The following MCF2L variants were observed in gnomAD, a reference collection of about 807,000 sequenced individuals.
MCF2L encodes guanine nucleotide exchange factor DBS.
MCF2L carries 97 observed loss-of-function variants against 153.4 expected under a neutral mutation model. The ratio of observed to expected loss-of-function variants is 0.63; its 90% CI spans 0.54 to 0.75. MCF2L has a LOEUF of 0.75. MCF2L is among the 30% of genes least tolerant of loss of function. MCF2L has a pLI of 0.00. For missense variants in MCF2L, 1,347 were observed against 1,495.2 expected, an observed-to-expected ratio of 0.90 and a Z score of 1.64; for synonymous variants, 659 against 632.2, an observed-to-expected ratio of 1.04 and a Z score of -0.64.
chr13:112,994,995 C>T (rs548706783), intron 1 of MCF2L, among the ~76,000 whole-genome samples: 11 of 152,370 alleles, frequency 7.2e-5, no homozygotes, highest in Admixed American at 3.9e-4. Context: ...GGCTCCAGGA[C>T]GGTCCCCAGG....
At chr13:112,898,603 T>G (rs548025807) in intron 1 of MCF2L, among the ~76,000 whole-genome samples, 1 of 152,090 alleles carries the variant, frequency 6.6e-6, no homozygotes, top group Admixed American at 6.5e-5. Flanking sequence ...CCCTCCCCGG[T>G]GGTACTCCCA....
intron 2 of MCF2L, among the ~76,000 whole-genome samples, chr13:112,913,207 C>T (rs1401876480): frequency 7.1e-6 from 1 of 140,482 alleles, no homozygotes; most frequent in Non-Finnish European, 1.5e-5. Flanking sequence ...TGGTGTATCT[C>T]TGTATGTATG....
intron 1 of MCF2L, among the ~76,000 whole-genome samples, chr13:112,994,569 G>A (rs565849962): frequency 2.6e-5 from 4 of 152,356 alleles, no homozygotes; most frequent in Admixed American, 1.3e-4. Context: ...GAGCTGTCTC[G>A]TTTCTTCCCG....
At chr13:112,906,525 T>C (rs909040694) in intron 2 of MCF2L, among the ~76,000 whole-genome samples, 3 of 152,160 alleles carry the variant, frequency 2.0e-5, no homozygotes, top group African/African-American at 7.2e-5. Flanking sequence ...ATGGGGTGCG[T>C]GTGGAGCTTG....
chr13:113,045,018 T>A lies in MCF2L; in HGVS notation c.279-253T>A. On this transcript the variant is annotated intron_variant, in intron 3 of 29. Transcript: ENST00000535094. This position sits in a 1 kb window ranked among gnomAD's most constrained non-coding sequence, Gnocchi z 4.2. Reference sequence around the variant, plus strand: ...AGATGGTTCTGCCTCAATCTGTGACTCGAGGTGGTTGGTGTTAGGCTGAGA... The same window carrying A: ...AGATGGTTCTGCCTCAATCTGTGACACGAGGTGGTTGGTGTTAGGCTGAGA... 7.8e-7 allele frequency: 1 copy of A among 1,280,800 alleles called. No individual in the cohort carries two copies. Among genetic ancestry groups the A allele is most frequent in the Non-Finnish European group, 1.1e-6 (1 of 917,062 alleles). The allele number at this position is 1,280,800 out of a possible 1,614,324, so 79.3% of individuals were successfully genotyped here. A position where few individuals can be genotyped will look rare whatever the true frequency, so the allele number is the denominator to read the frequency against.
intron 3 of MCF2L, among the ~76,000 whole-genome samples, chr13:113,029,076 C>T (rs117169086): frequency 4.6e-5 from 7 of 152,238 alleles, no homozygotes; most frequent in Non-Finnish European, 1.0e-4. Flanking sequence ...GTGTCAGACC[C>T]AATGCTCCCT....
intron 2 of MCF2L, among the ~76,000 whole-genome samples, chr13:112,958,493 A>G (rs1238307336): frequency 6.6e-6 from 1 of 152,128 alleles, no homozygotes; most frequent in Admixed American, 6.5e-5. Context: ...CGACACCCGC[A>G]CAGCCCCCGA....
In MCF2L at chr13:112,993,283, A is replaced by G. The variant is rs1396306130; in HGVS notation, c.80-21480A>G. On this transcript the variant is annotated intron_variant, in intron 1 of 29. Coordinates refer to ENST00000535094, the MANE Select transcript of MCF2L (RefSeq NM_001112732.3). The surrounding 1 kb of genome is among the most constrained non-coding windows in gnomAD (Gnocchi z 4.6). The stretch of plus-strand genomic sequence containing the variant: ...GTGGCGGGGGAGCGCCGGGCACACA[A>G]CATGGTGGGTGTTCCTGGGCAGAGG... Among the ~76,000 whole-genome samples, 1 of 152,196 alleles carries G rather than the reference A, an allele frequency of 6.6e-6. No individual in the cohort carries two copies. Among genetic ancestry groups the G allele is most frequent in the Non-Finnish European group, 1.5e-5 (1 of 68,036 alleles).
intron 2 of MCF2L, among the ~76,000 whole-genome samples, chr13:113,022,674 CGACTGAAAAGTTGCCACGAGTTCCT>C (rs2084964324): frequency 6.6e-6 from 1 of 152,218 alleles, no homozygotes; most frequent in Non-Finnish European, 1.5e-5. Flanking sequence ...CCTTTAATGG[CGACTGAAAAGTTGCCACGAGTTCCT>C]GATCATTGTG....
At position 113,087,220 on chromosome 13, in the gene MCF2L, C is replaced by T. The variant is rs771636764; in HGVS notation, c.2374-15C>T. 5 of 1,606,496 alleles carry T rather than the reference C, an allele frequency of 3.1e-6. No individual in the cohort carries two copies. In the African/African-American group the frequency reaches 6.7e-5, roughly 21 times the overall value. ...CCATCCCGTCCTGAACACAGCCCTG[C>T]TGTCGCACATTTAGGGGAATCTCGG... On this transcript the variant is annotated splice_polypyrimidine_tract_variant and intron_variant, in intron 21 of 29. Coordinates refer to ENST00000535094, the MANE Select transcript of MCF2L (RefSeq NM_001112732.3).
intron 1 of MCF2L, among the ~76,000 whole-genome samples, chr13:112,982,374 G>A (rs1019248493): frequency 6.6e-6 from 1 of 152,204 alleles, no homozygotes; most frequent in Non-Finnish European, 1.5e-5. Flanking sequence ...CCGCATCCAT[G>A]GGGCCTGGAG....
chr13:113,079,518 T>C (rs114202416), intron 15 of MCF2L, among the ~76,000 whole-genome samples: 44 of 152,116 alleles, frequency 2.9e-4, no homozygotes, highest in African/African-American at 1.0e-3. Context: ...CCATCAAAAC[T>C]CCAAAATCAG....
rs1330527393 is a variant in MCF2L at position 113,053,996 on chromosome 13, G to A, written c.370-6597G>A. On this transcript the variant is annotated intron_variant, in intron 4 of 29. Coordinates refer to ENST00000535094, the MANE Select transcript of MCF2L (RefSeq NM_001112732.3). This position sits in a 1 kb window ranked among gnomAD's most constrained non-coding sequence, Gnocchi z 4.4. ...GAATCGGCGAAACGCAACCAACGCT[G>A]GGCAGAACCTTGGCACAACTTTGCT... Among the ~76,000 whole-genome samples the A allele has an allele frequency of 6.6e-6, 1 of 152,108 alleles. No individual in the cohort carries two copies. The highest frequency in any genetic ancestry group is 1.5e-5 in the Non-Finnish European group (1 of 68,036).
intron 2 of MCF2L, chr13:112,957,867 A>C (rs199895007): frequency 7.2e-6 from 1 of 138,142 alleles, no homozygotes; most frequent in Non-Finnish European, 1.6e-5. Flanking sequence ...AACTCAAAGA[A>C]AGTGAATTTA....
intron 27 of MCF2L, chr13:113,095,297 T>C (rs1445407359): frequency 5.1e-6 from 6 of 1,176,094 alleles, no homozygotes; most frequent in Non-Finnish European, 2.1e-6. Flanking sequence ...TCCCGGAGGC[T>C]CTGGAAGGGC....
chr13:113,046,242 T>C lies in MCF2L; in HGVS notation c.369+881T>C, dbSNP rs951763589. ...CCCCGCCTGTCCGTCCAAATTTCAT[T>C]GCTGCCAAAGGACCAAAAAAGGCTG... is the stretch of plus-strand genomic sequence containing the variant. On this transcript the variant is annotated intron_variant, in intron 4 of 29. Coordinates refer to ENST00000535094, the MANE Select transcript of MCF2L (RefSeq NM_001112732.3). This position sits in a 1 kb window ranked among gnomAD's most constrained non-coding sequence, Gnocchi z 4.4. 7.6e-5 allele frequency: 17 copies of C among 222,998 alleles called. No individual in the cohort carries two copies. The allele number at this position is 222,998 out of a possible 1,614,324, so 13.8% of individuals were successfully genotyped here.
chr13:112,941,840 C>A lies in MCF2L; in HGVS notation c.169+39469C>A. Among the ~76,000 whole-genome samples the A allele has an allele frequency of 6.6e-6, 1 of 152,046 alleles. No individual in the cohort carries two copies. Among genetic ancestry groups the A allele is most frequent in the East Asian group, 1.9e-4 (1 of 5,200 alleles). On this transcript the variant is annotated intron_variant, in intron 2 of 29. Coordinates refer to the MCF2L transcript ENST00000375608. The surrounding 1 kb of genome is among the most constrained non-coding windows in gnomAD (Gnocchi z 4.9). ...CTCTACAATCATAACCTAGGAAAAA[C>A]CAGGCCATACAGAGATAGGAACTGA...
At chr13:113,060,931 G>A (rs2031294286) in intron 5 of MCF2L, among the ~76,000 whole-genome samples, 1 of 150,658 alleles carries the variant, frequency 6.6e-6, no homozygotes, top group African/African-American at 2.4e-5. Flanking sequence ...CCCGCCAGAG[G>A]TGCACAGAGC....
chr13:113,056,942 TG>T (rs1193486188), intron 4 of MCF2L, among the ~76,000 whole-genome samples: 1 of 140,972 alleles, frequency 7.1e-6, no homozygotes, highest in East Asian at 2.3e-4. Context: ...GGGTGCTGAG[TG>T]GGTGCTGTGT....
Sources: gnomAD v4.1 joint callset for allele counts (sites outside exome capture counted in the v4.1 genomes callset) on GRCh38, gnomAD v4.1.1 for gene constraint, Gnocchi (gnomAD v3.1) non-coding constraint, MANE v1.5 for transcripts, NCBI Gene and HGNC (gene_info 2026-07-23, HGNC 2026-07-21) for gene names.